TMEM178B: variants seen among roughly 807,000 people sequenced by gnomAD.
TMEM178B encodes the protein transmembrane protein 178B.
In TMEM178B, 5 loss-of-function variants were observed where a neutral mutation model predicts 31.0. The ratio of observed to expected loss-of-function variants is 0.16; its 90% CI spans 0.08 to 0.34. The LOEUF (loss-of-function observed/expected upper bound fraction) is 0.34. TMEM178B is among the 10% of genes least tolerant of loss of function. The pLI, the probability that TMEM178B is intolerant of heterozygous loss-of-function variation, is 1.00. For synonymous variants in TMEM178B, 164 were observed against 164.0 expected, an observed-to-expected ratio of 1.00 and a Z score of 0.00; for missense variants, 275 against 400.3, an observed-to-expected ratio of 0.69 and a Z score of 2.67.
chr7:141,098,771 A>G (rs1795005716), intron 1 of TMEM178B, among the ~76,000 whole-genome samples: 1 of 152,206 alleles, frequency 6.6e-6, no homozygotes, highest in South Asian at 2.1e-4. Context: ...TGACAAGGCC[A>G]TTTCCATGTG....
At chr7:141,454,202 G>A (rs182517139) in intron 3 of TMEM178B, among the ~76,000 whole-genome samples, 337 of 152,204 alleles carry the variant, frequency 2.2e-3, no homozygotes, top group Non-Finnish European at 3.1e-3. Context: ...TCTGGCTCAC[G>A]GCTTTTTATA....
chr7:141,182,200 A>G (rs1426076789), intron 1 of TMEM178B, among the ~76,000 whole-genome samples: 1 of 152,182 alleles, frequency 6.6e-6, no homozygotes, highest in Admixed American at 6.5e-5. Flanking sequence ...GGGGGAACTC[A>G]TGCATGCTCG....
chr7:141,237,646 T>G (rs1206296411), intron 2 of TMEM178B, among the ~76,000 whole-genome samples: 1 of 152,170 alleles, frequency 6.6e-6, no homozygotes, highest in Non-Finnish European at 1.5e-5. Flanking sequence ...AGATTTTTTT[T>G]GTATTTAATC....
intron 2 of TMEM178B, among the ~76,000 whole-genome samples, chr7:141,354,430 T>A (rs1035334740): frequency 5.3e-5 from 8 of 151,222 alleles, no homozygotes; most frequent in African/African-American, 1.9e-4. Flanking sequence ...CTCTGAAACC[T>A]CAAATTTGGC....
intron 3 of TMEM178B, among the ~76,000 whole-genome samples, chr7:141,439,707 G>T (rs751764691): frequency 2.0e-5 from 3 of 152,164 alleles, no homozygotes; most frequent in African/African-American, 4.8e-5. Flanking sequence ...GGTCTCCCAG[G>T]AATCCAAGAA....
intron 2 of TMEM178B, among the ~76,000 whole-genome samples, chr7:141,332,974 G>A (rs923459303): frequency 5.3e-5 from 8 of 152,160 alleles, no homozygotes; most frequent in South Asian, 2.1e-4. Flanking sequence ...AGCGCTTAGC[G>A]GAAGAGTTGG....
chr7:141,175,073 TC>T (rs1234904137), intron 1 of TMEM178B, among the ~76,000 whole-genome samples: 1 of 152,238 alleles, frequency 6.6e-6, no homozygotes, highest in East Asian at 1.9e-4. Context: ...TAGGTTTTCT[TC>T]TAGGGTTTTT....
chr7:141,461,349 G>A lies in TMEM178B; in HGVS notation c.635-9187G>A, dbSNP rs1050884087. ...GAGAGGAAGCCAGGATTGGGGATCC[G>A]CAGACACCGTTCCACATTCCTGGGA... On this transcript the variant is annotated intron_variant, in intron 3 of 3. Transcript: ENST00000565468. This position sits in a 1 kb window ranked among gnomAD's most constrained non-coding sequence, Gnocchi z 4.0. Among the ~76,000 whole-genome samples the A allele has an allele frequency of 7.9e-5, 12 of 152,226 alleles. No homozygotes were observed. Among genetic ancestry groups the A allele is most frequent in the African/African-American group, 1.7e-4 (7 of 41,466 alleles).
chr7:141,228,107 A>C (rs773080151), intron 2 of TMEM178B, among the ~76,000 whole-genome samples: 4 of 152,240 alleles, frequency 2.6e-5, no homozygotes, highest in Non-Finnish European at 4.4e-5. Flanking sequence ...GGCATCTAAT[A>C]AATGCATGAA....
At chr7:141,481,712 T>A (rs1372755270), downstream of TMEM178B, among the ~76,000 whole-genome samples, 2 of 151,982 alleles carry the variant, frequency 1.3e-5, no homozygotes, top group Non-Finnish European at 2.9e-5. Context: ...AGGGAAGGGT[T>A]TTACAAGTGG....
intron 3 of TMEM178B, among the ~76,000 whole-genome samples, chr7:141,450,984 G>A (rs116984610): frequency 1.3e-5 from 2 of 152,116 alleles, no homozygotes; most frequent in Admixed American, 6.5e-5. Flanking sequence ...TGCCACCTGC[G>A]GTAAAGGGAC....
the TMEM178B span, among the ~76,000 whole-genome samples, chr7:141,496,526 C>CCCGTCTCTACTAAAAATACAAAAAATT: frequency 1.3e-5 from 2 of 148,962 alleles, no homozygotes; most frequent in African/African-American, 5.2e-5. Flanking sequence ...AAAAATTAGC[C>CCCGTCTCTACTAAAAATACAAAAAATT]AGGTGTAGTG....
chr7:141,170,849 G>A lies in TMEM178B; in HGVS notation c.383-41742G>A, dbSNP rs1345474048. On this transcript the variant is annotated intron_variant, in intron 1 of 3. Transcript: ENST00000565468. ...CTGCTGTTGCTCTACCTTCCCAGCC[G>A]CACTATCACAAGTCCTGTGCCTGAC... 2.6e-5 allele frequency among the ~76,000 whole-genome samples: 4 copies of A among 152,238 alleles called. No individual in the cohort carries two copies. The South Asian group carries it at 6.2e-4, about 24-fold the overall frequency.
chr7:141,084,947 C>G (rs781268660), intron 1 of TMEM178B, among the ~76,000 whole-genome samples: 1 of 151,924 alleles, frequency 6.6e-6, no homozygotes, highest in African/African-American at 2.4e-5. Context: ...GGCACGATCT[C>G]GGCTCATCGC....
At chr7:141,211,040 G>C (rs927776677) in intron 1 of TMEM178B, among the ~76,000 whole-genome samples, 1 of 152,102 alleles carries the variant, frequency 6.6e-6, no homozygotes, top group Non-Finnish European at 1.5e-5. Context: ...AGAGCGTGTG[G>C]GGTTGGAGGT....
At chr7:141,419,521 A>C (rs917278778) in intron 2 of TMEM178B, among the ~76,000 whole-genome samples, 1 of 152,156 alleles carries the variant, frequency 6.6e-6, no homozygotes, top group South Asian at 2.1e-4. Context: ...CTTGTCTCTA[A>C]GACTTTCTTC....
At chr7:141,136,815 G>C (rs1795683050) in intron 1 of TMEM178B, among the ~76,000 whole-genome samples, 1 of 152,104 alleles carries the variant, frequency 6.6e-6, no homozygotes, top group Non-Finnish European at 1.5e-5. Context: ...GCAATGAGCT[G>C]TAATTGCACC....
At chr7:141,210,277 C>A (rs1369837223) in intron 1 of TMEM178B, among the ~76,000 whole-genome samples, 1 of 152,078 alleles carries the variant, frequency 6.6e-6, no homozygotes, top group African/African-American at 2.4e-5. Context: ...CCAGCCTGAC[C>A]AACACGGAGA....
intron 2 of TMEM178B, among the ~76,000 whole-genome samples, chr7:141,403,994 A>G (rs1042761899): frequency 2.0e-5 from 3 of 152,178 alleles, no homozygotes; most frequent in Admixed American, 6.5e-5. Context: ...ACCACCTGTC[A>G]TATACCAGAG....
Sources: gnomAD v4.1 joint callset for allele counts (sites outside exome capture counted in the v4.1 genomes callset) on GRCh38, gnomAD v4.1.1 for gene constraint, Gnocchi (gnomAD v3.1) non-coding constraint, MANE v1.5 for transcripts, NCBI Gene and HGNC (gene_info 2026-07-23, HGNC 2026-07-21) for gene names.